Variants in DACH2 observed in about 807,000 individuals in gnomAD.
The protein encoded by DACH2 is dachshund homolog 2.
DACH2 carries 17 observed loss-of-function variants against 35.8 expected under a neutral mutation model. The observed-to-expected ratio is 0.48, with a 90% CI of 0.33 to 0.71. The LOEUF is 0.71. Ranked by LOEUF, DACH2 falls within the 30% of genes least tolerant of loss-of-function variation. The pLI is 0.02. For missense variants in DACH2, 469 were observed against 472.7 expected, an observed-to-expected ratio of 0.99 and a Z score of 0.07; for synonymous variants, 195 against 177.3, an observed-to-expected ratio of 1.10 and a Z score of -0.79.
At chrX:86,507,299 A>G (rs762262101) in intron 2 of DACH2, among the ~76,000 whole-genome samples, 6 of 111,270 alleles carry the variant, frequency 5.4e-5, no homozygotes, top group Admixed American at 9.6e-5. Context: ...TAGACTGACA[A>G]TATTACAGGC....
At chrX:86,200,372 C>G (rs770134160) in intron 1 of DACH2, among the ~76,000 whole-genome samples, 1 of 111,180 alleles carries the variant, frequency 9.0e-6, no homozygotes, top group African/African-American at 3.3e-5. Context: ...GACATAGGAT[C>G]AGGCAAAGAT....
At chrX:86,406,426 G>A (rs1012785112) in intron 2 of DACH2, among the ~76,000 whole-genome samples, 2 of 111,866 alleles carry the variant, frequency 1.8e-5, no homozygotes, top group Non-Finnish European at 3.8e-5. Flanking sequence ...TACCTCTTGA[G>A]TACTATGTCC....
At chrX:86,567,239 T>C (rs751175858) in intron 3 of DACH2, among the ~76,000 whole-genome samples, 37 of 111,871 alleles carry the variant, frequency 3.3e-4, no homozygotes, top group African/African-American at 1.2e-3. Context: ...GTTGGAAAGA[T>C]AGGTTGTGAT....
At chrX:86,230,156 G>A (rs1253381028) in intron 1 of DACH2, among the ~76,000 whole-genome samples, 4 of 110,835 alleles carry the variant, frequency 3.6e-5, no homozygotes, top group Non-Finnish European at 3.8e-5. Context: ...ATTTTGCTGA[G>A]GGTTTTTTTC....
intron 2 of DACH2, among the ~76,000 whole-genome samples, chrX:86,435,079 C>A (rs767337705): frequency 1.8e-5 from 2 of 111,222 alleles, no homozygotes; most frequent in African/African-American, 3.3e-5. Flanking sequence ...GCCCACTAGG[C>A]CCCATCTCCA....
chrX:86,650,190 C>T (rs191458972), intron 3 of DACH2, among the ~76,000 whole-genome samples: 1 of 110,516 alleles, frequency 9.0e-6, no homozygotes, highest in African/African-American at 3.3e-5. Context: ...ACCCCACACC[C>T]CACCTTTTTA....
intron 2 of DACH2, among the ~76,000 whole-genome samples, chrX:86,406,579 G>T (rs1026465421): frequency 8.9e-6 from 1 of 112,241 alleles, no homozygotes; most frequent in African/African-American, 3.2e-5. Flanking sequence ...TAGAGGTGTT[G>T]CTAGTTAAAC....
At chrX:86,767,525 C>T (rs1278408652) in intron 7 of DACH2, among the ~76,000 whole-genome samples, 1 of 111,741 alleles carries the variant, frequency 8.9e-6, no homozygotes, top group Non-Finnish European at 1.9e-5. Flanking sequence ...TGCTTTTAGA[C>T]ATTTCTACTC....
At chrX:86,529,307 A>C (rs1315914906) in intron 3 of DACH2, among the ~76,000 whole-genome samples, 1 of 109,577 alleles carries the variant, frequency 9.1e-6, no homozygotes, top group African/African-American at 3.3e-5. Context: ...AGCCTCCCAA[A>C]GTGCTGGGAT....
intron 3 of DACH2, among the ~76,000 whole-genome samples, chrX:86,637,512 G>A (rs146612452): frequency 0.015 from 1,699 of 111,035 alleles, 18 homozygotes; most frequent in African/African-American, 0.043. Context: ...AAGAAAATGC[G>A]GTGTATATAC....
intron 3 of DACH2, among the ~76,000 whole-genome samples, chrX:86,575,285 C>T: frequency 9.0e-6 from 1 of 110,982 alleles, no homozygotes; most frequent in Non-Finnish European, 1.9e-5. Context: ...ATCGATCTGG[C>T]TTTCCCGTGA....
At chrX:86,622,491 C>T (rs1284482311) in intron 3 of DACH2, among the ~76,000 whole-genome samples, 1 of 110,984 alleles carries the variant, frequency 9.0e-6, no homozygotes, top group African/African-American at 3.3e-5. Flanking sequence ...TTAAATGGGA[C>T]AATCATTTTT....
chrX:86,615,360 T>A (rs1480678723), intron 3 of DACH2, among the ~76,000 whole-genome samples: 1 of 111,777 alleles, frequency 8.9e-6, no homozygotes, highest in Non-Finnish European at 1.9e-5. Context: ...AGGCGAGAAC[T>A]AAAGTTCTGA....
intron 2 of DACH2, among the ~76,000 whole-genome samples, chrX:86,500,297 A>G (rs2038232062): frequency 1.8e-5 from 2 of 111,604 alleles, no homozygotes; most frequent in Admixed American, 9.6e-5. Flanking sequence ...CCTAACCTTA[A>G]TCAGTGCATT....
chrX:86,322,950 G>A lies in DACH2; in HGVS notation c.489-53874G>A, dbSNP rs149443734. 1.1e-3 allele frequency among the ~76,000 whole-genome samples: 120 copies of A among 112,171 alleles called. 2 individuals are homozygous for A. In the East Asian group the frequency reaches 0.031, roughly 29 times the overall value. On this transcript the variant is annotated intron_variant, in intron 1 of 11. Transcript: ENST00000373125. ...TTTAGAGGACATTTTTCTCCTCACT[G>A]CTGAAAGCAGAGTTCTCCTGTTCAC...
intron 2 of DACH2, among the ~76,000 whole-genome samples, chrX:86,414,192 G>A (rs752279104): frequency 9.0e-6 from 1 of 111,475 alleles, no homozygotes; most frequent in Admixed American, 9.5e-5. Flanking sequence ...GTGATTCTCT[G>A]TTTCTATAAT....
intron 3 of DACH2, among the ~76,000 whole-genome samples, chrX:86,520,489 A>T (rs1313223183): frequency 9.0e-6 from 1 of 111,238 alleles, no homozygotes; most frequent in African/African-American, 3.3e-5. Flanking sequence ...TTTGCCTAAT[A>T]CTTTCATTGG....
At chrX:86,462,158 A>G (rs2037585279) in intron 2 of DACH2, among the ~76,000 whole-genome samples, 1 of 111,819 alleles carries the variant, frequency 8.9e-6, no homozygotes, top group African/African-American at 3.2e-5. Context: ...ATGTGCTATA[A>G]GATACAGAAT....
intron 1 of DACH2, among the ~76,000 whole-genome samples, chrX:86,308,885 G>A (rs1212958354): frequency 1.8e-5 from 2 of 111,077 alleles, no homozygotes; most frequent in Non-Finnish European, 1.9e-5. Context: ...TTTAGCTCAG[G>A]TCTGACTTAC....
Sources: gnomAD v4.1 joint callset for allele counts (sites outside exome capture counted in the v4.1 genomes callset) on GRCh38, gnomAD v4.1.1 for gene constraint, MANE v1.5 for transcripts, NCBI Gene and HGNC (gene_info 2026-07-23, HGNC 2026-07-21) for gene names.